GHR: variants seen among roughly 807,000 people sequenced by gnomAD.
GHR encodes growth hormone receptor, also known as GH receptor.
Under a neutral mutation model 67.1 loss-of-function variants are expected in GHR, and 35 were observed. The observed-to-expected ratio is 0.52, with a 90% CI of 0.40 to 0.69. GHR has a LOEUF of 0.69. Ranked by LOEUF, GHR falls within the 30% of genes least tolerant of loss-of-function variation. The probability of loss-of-function intolerance (pLI) is 0.00; values close to 1 mark genes in which losing one functional copy is unlikely to be tolerated. For missense variants in GHR, 792 were observed against 764.6 expected (o/e 1.04, Z -0.42); for synonymous variants, 272 against 269.1 (o/e 1.01, Z -0.10).
At chr5:42,625,001 T>G (rs1021148097) in intron 2 of GHR, among the ~76,000 whole-genome samples, 7 of 152,228 alleles carry the variant, frequency 4.6e-5, no homozygotes, top group Admixed American at 4.6e-4. Context: ...TTTGTCATAA[T>G]TCCTTATTGC....
chr5:42,644,099 G>A (rs1421217682), intron 3 of GHR, among the ~76,000 whole-genome samples: 1 of 151,902 alleles, frequency 6.6e-6, no homozygotes, highest in African/African-American at 2.4e-5. Flanking sequence ...ATTTAAGCAA[G>A]ATGATCAGTG....
chr5:42,645,893 T>C (rs1754705520), intron 3 of GHR, among the ~76,000 whole-genome samples: 1 of 152,134 alleles, frequency 6.6e-6, no homozygotes. Flanking sequence ...CTGAGGAGAG[T>C]ACTCATTTGC....
intron 1 of GHR, among the ~76,000 whole-genome samples, chr5:42,474,241 G>T (rs4866925): frequency 1.5e-5 from 2 of 135,060 alleles, no homozygotes; most frequent in Admixed American, 1.6e-4. Flanking sequence ...AAGAAAGAAA[G>T]AGAGAGAAAG....
At position 42,650,578 on chromosome 5, in the gene GHR, C is replaced by CATATATATATATATATATATAT. The variant is rs35408817; in HGVS notation, c.136+21478_136+21499dup. On this transcript the variant is annotated intron_variant, in intron 3 of 9. Coordinates refer to ENST00000230882, the MANE Select transcript of GHR (RefSeq NM_000163.5). ...CCAATGTACTCACTTTTACAGATAA[C>CATATATATATATATATATATAT]ATATATATATATATATATATATATG... is the stretch of plus-strand genomic sequence containing the variant. 1.7e-3 allele frequency among the ~76,000 whole-genome samples: 221 copies of CATATATATATATATATATATAT among 128,574 alleles called. 1 individual carries two copies. The highest frequency in any genetic ancestry group is 2.2e-3 in the Non-Finnish European group (136 of 61,452). 84.3% of individuals were successfully genotyped at this position (128,574 alleles called of 152,430 possible). A position where few individuals can be genotyped will look rare whatever the true frequency, so the allele number is the denominator to read the frequency against.
chr5:42,713,393 G>A (rs199796335), intron 7 of GHR, 36 bp from the exon 8 acceptor site: 53 of 926,438 alleles, frequency 5.7e-5, no homozygotes, highest in Admixed American at 4.6e-4. Flanking sequence ...TCAACTATTC[G>A]TAATTCTGAA....
chr5:42,550,712 A>G (rs1748982260), intron 1 of GHR, among the ~76,000 whole-genome samples: 1 of 152,078 alleles, frequency 6.6e-6, no homozygotes, highest in Non-Finnish European at 1.5e-5. Context: ...GAGGAGACTG[A>G]GGGTAGCCAC....
At chr5:42,561,903 A>G (rs1225285845) in intron 1 of GHR, among the ~76,000 whole-genome samples, 1 of 152,172 alleles carries the variant, frequency 6.6e-6, no homozygotes, top group Non-Finnish European at 1.5e-5. Context: ...GCCATCCTCT[A>G]CTTAGATTGT....
chr5:42,618,413 T>C (rs1387747936), intron 2 of GHR, among the ~76,000 whole-genome samples: 1 of 152,160 alleles, frequency 6.6e-6, no homozygotes, highest in Admixed American at 6.5e-5. Context: ...CTAAGACTGC[T>C]AATTAATTTA....
At position 42,694,419 on chromosome 5, in the gene GHR, C is replaced by G. The variant is rs141749390; in HGVS notation, c.267-498C>G. On this transcript the variant is annotated intron_variant, in intron 4 of 9. Coordinates refer to ENST00000230882, the MANE Select transcript of GHR (RefSeq NM_000163.5). ...CTTACTTATCTTTATATCTGCACAG[C>G]GTTGGTGCTGGATATAATGCATCAC... Among the ~76,000 whole-genome samples the G allele has an allele frequency of 9.1e-3, 1,388 of 152,246 alleles. 20 individuals carry two copies. Among genetic ancestry groups the G allele is most frequent in the African/African-American group, 0.032 (1,325 of 41,524 alleles).
intron 2 of GHR, among the ~76,000 whole-genome samples, chr5:42,622,308 A>G (rs1210326772): frequency 6.6e-6 from 1 of 152,224 alleles, no homozygotes; most frequent in African/African-American, 2.4e-5. Context: ...CATGTACTTT[A>G]TCAAGTGCCT....
At chr5:42,533,877 G>A (rs1025996135) in intron 1 of GHR, among the ~76,000 whole-genome samples, 3 of 129,228 alleles carry the variant, frequency 2.3e-5, no homozygotes, top group Non-Finnish European at 4.8e-5. Flanking sequence ...TCATTCTTAT[G>A]CCTTTGCATC....
intron 4 of GHR, 21 bp from the exon 5 acceptor site, chr5:42,694,896 T>G: frequency 6.3e-7 from 1 of 1,582,256 alleles, no homozygotes; most frequent in Non-Finnish European, 8.7e-7. Flanking sequence ...CAATTAATCT[T>G]TTTTTAACCC....
chr5:42,691,840 G>T (rs760872824), intron 4 of GHR, among the ~76,000 whole-genome samples: 3 of 152,254 alleles, frequency 2.0e-5, no homozygotes, highest in Non-Finnish European at 4.4e-5. Flanking sequence ...CTGTGATGAC[G>T]ATAGTGCCAA....
chr5:42,449,360 A>G (rs192043986), intron 1 of GHR, among the ~76,000 whole-genome samples: 7 of 152,256 alleles, frequency 4.6e-5, no homozygotes, highest in Admixed American at 3.9e-4. Flanking sequence ...TCCTTCGTTA[A>G]GTATATTCCT....
chr5:42,529,550 C>T (rs924850182), intron 1 of GHR, among the ~76,000 whole-genome samples: 6 of 152,124 alleles, frequency 3.9e-5, no homozygotes, highest in African/African-American at 1.4e-4. Context: ...TCTACAACTA[C>T]GCAGATGTCT....
intron 1 of GHR, among the ~76,000 whole-genome samples, chr5:42,427,366 A>G (rs1194310160): frequency 6.6e-6 from 1 of 152,252 alleles, no homozygotes; most frequent in African/African-American, 2.4e-5. Flanking sequence ...CAGGCAAGAA[A>G]GCATGTGCAG....
At chr5:42,564,476 G>C (rs978353868) in intron 1 of GHR, among the ~76,000 whole-genome samples, 8 of 152,186 alleles carry the variant, frequency 5.3e-5, no homozygotes, top group Admixed American at 1.3e-4. Context: ...ATGAAGTAGT[G>C]TATGAAGGAG....
At chr5:42,438,241 G>T (rs1261660974) in intron 1 of GHR, among the ~76,000 whole-genome samples, 1 of 152,146 alleles carries the variant, frequency 6.6e-6, no homozygotes. Flanking sequence ...AAACTATGAT[G>T]TAGGGAGGTT....
intron 1 of GHR, among the ~76,000 whole-genome samples, chr5:42,511,223 T>C (rs1451792159): frequency 6.6e-6 from 1 of 152,198 alleles, no homozygotes; most frequent in Non-Finnish European, 1.5e-5. Flanking sequence ...CTTCTTCTAT[T>C]TCAGTTCTTT....
Sources: allele counts gnomAD v4.1 joint callset (sites outside exome capture counted in the v4.1 genomes callset), GRCh38; gene constraint gnomAD v4.1.1; transcripts MANE v1.5; gene names NCBI Gene and HGNC (gene_info 2026-07-23, HGNC 2026-07-21).